MSL2: variants seen among roughly 807,000 people sequenced by gnomAD.
MSL2 encodes the protein E3 ubiquitin-protein ligase MSL2.
Under a neutral mutation model 35.8 loss-of-function variants are expected in MSL2, and 2 were observed. The ratio of observed to expected loss-of-function variants is 0.06; its 90% confidence interval spans 0.02 to 0.18. MSL2 has a LOEUF of 0.18. Among genes scored for constraint, MSL2 ranks in the 10% least tolerant of loss-of-function variants. The probability of loss-of-function intolerance (pLI) is 1.00; values close to 1 mark genes in which losing one functional copy is unlikely to be tolerated. For synonymous variants in MSL2, 296 were observed against 255.7 expected, an observed-to-expected ratio of 1.16 and a Z score of -1.50; for missense variants, 523 against 706.7, an observed-to-expected ratio of 0.74 and a Z score of 2.95.
At chr3:136,154,745 C>A (rs1939471519) in intron 1 of MSL2, among the ~76,000 whole-genome samples, 1 of 152,128 alleles carries the variant, frequency 6.6e-6, no homozygotes, top group African/African-American at 2.4e-5. Context: ...ATCTATAGCT[C>A]TGAAAGTCTG....
At chr3:136,188,355 A>C (rs1015311818) in intron 1 of MSL2, among the ~76,000 whole-genome samples, 3 of 151,046 alleles carry the variant, frequency 2.0e-5, no homozygotes, top group African/African-American at 7.3e-5. Flanking sequence ...AATCGCTTGA[A>C]CCCATGAAGC....
intron 1 of MSL2, among the ~76,000 whole-genome samples, chr3:136,157,215 C>G (rs1939556805): frequency 7.0e-6 from 1 of 142,862 alleles, no homozygotes; most frequent in African/African-American, 2.8e-5. Flanking sequence ...CACCTGAGGT[C>G]AGGAAGGCGG....
intron 1 of MSL2, chr3:136,194,258 A>C (rs1183991332): frequency 2.8e-5 from 6 of 211,566 alleles, no homozygotes; most frequent in Non-Finnish European, 4.1e-5. Flanking sequence ...AATTTAGCAT[A>C]TCTCTTCTAT....
intron 1 of MSL2, among the ~76,000 whole-genome samples, chr3:136,172,178 T>A (rs1940044936): frequency 6.6e-6 from 1 of 152,238 alleles, no homozygotes; most frequent in Admixed American, 6.5e-5. Context: ...TTTCTACTTA[T>A]GTCAATTTTT....
At chr3:136,159,913 AAT>A (rs1939652675) in intron 1 of MSL2, among the ~76,000 whole-genome samples, 1 of 152,146 alleles carries the variant, frequency 6.6e-6, no homozygotes, top group African/African-American at 2.4e-5. Context: ...AGGAAAAAAA[AAT>A]AGTTAAATGG....
At chr3:136,183,226 G>C (rs892655011) in intron 1 of MSL2, among the ~76,000 whole-genome samples, 7 of 152,034 alleles carry the variant, frequency 4.6e-5, no homozygotes, top group African/African-American at 1.2e-4. Context: ...CCCAGAAAAT[G>C]AAAGATGATA....
rs151296414 is a variant in MSL2 at position 136,169,807 on chromosome 3, A to C, written c.143-17069T>G. On this transcript the variant is annotated intron_variant, in intron 1 of 1. Transcript: ENST00000309993. Reference sequence around the variant, plus strand: ...ATGGTTAACTGGCCAGGCACGCTCCAGCACTTTGGGAGGCCAAGGTGGATT... The same window carrying C: ...ATGGTTAACTGGCCAGGCACGCTCCCGCACTTTGGGAGGCCAAGGTGGATT... 3.1e-3 allele frequency among the ~76,000 whole-genome samples: 464 copies of C among 151,872 alleles called. 3 individuals carry two copies. Among genetic ancestry groups the C allele is most frequent in the African/African-American group, 0.011 (442 of 41,430 alleles).
rs1939325584 is a variant in MSL2 at position 136,150,495 on chromosome 3, A to G, written c.*652T>C. ...GAGGGATTTAGAATTTCTTCCCTAG[A>G]AATGAGTAACAGCTAAACATTTGTA... On this transcript the variant is annotated 3_prime_UTR_variant, in exon 2 of 2. Coordinates refer to ENST00000309993, the MANE Select transcript of MSL2 (RefSeq NM_018133.4). 6.5e-6 allele frequency: 1 copy of G among 152,694 alleles called. No individual in the cohort carries two copies. Among genetic ancestry groups the G allele is most frequent in the Non-Finnish European group, 1.5e-5 (1 of 68,070 alleles). The allele number at this position is 152,694 out of a possible 1,614,324, so 9.5% of individuals were successfully genotyped here.
At chr3:136,190,019 T>C (rs1284444207) in intron 1 of MSL2, among the ~76,000 whole-genome samples, 1 of 152,072 alleles carries the variant, frequency 6.6e-6, no homozygotes, top group African/African-American at 2.4e-5. Context: ...AGACAAAGGT[T>C]GCAGTAAGCC....
chr3:136,155,035 CCATCTCTACTA>C (rs1939479448), intron 1 of MSL2, among the ~76,000 whole-genome samples: 1 of 152,074 alleles, frequency 6.6e-6, no homozygotes, highest in Non-Finnish European at 1.5e-5. Flanking sequence ...TGGTGAAACT[CCATCTCTACTA>C]AAAATACAAA....
chr3:136,178,827 T>C (rs1940256485), intron 1 of MSL2, among the ~76,000 whole-genome samples: 1 of 151,872 alleles, frequency 6.6e-6, no homozygotes, highest in Admixed American at 6.6e-5. Context: ...CATGAGTCGC[T>C]GCGCCCCGCC....
intron 1 of MSL2, among the ~76,000 whole-genome samples, chr3:136,186,965 A>C (rs1436307705): frequency 6.6e-6 from 1 of 152,200 alleles, no homozygotes; most frequent in African/African-American, 2.4e-5. Flanking sequence ...TAGTTGTTAT[A>C]CTGTAATGCT....
At chr3:136,153,515 C>T (rs1392546573) in intron 1 of MSL2, among the ~76,000 whole-genome samples, 1 of 152,210 alleles carries the variant, frequency 6.6e-6, no homozygotes, top group Non-Finnish European at 1.5e-5. Context: ...AGGCCGGACA[C>T]AGTGGCTCAT....
rs1032554518 is a variant in MSL2, at chr3:136,195,966, T to A, written c.-853A>T. ...CCAGACTCAAGCGCCGCCCCCTCAC[T>A]GCCCGGCCATTTTTTCGGCGCCACA... On this transcript the variant is annotated 5_prime_UTR_variant, in exon 1 of 2. Transcript: ENST00000309993. 1.4e-4 allele frequency: 43 copies of A among 298,406 alleles called. No homozygotes were observed. Among genetic ancestry groups the A allele is most frequent in the African/African-American group, 3.9e-4 (17 of 43,390 alleles). 18.5% of individuals were successfully genotyped at this position (298,406 alleles called of 1,614,324 possible).
chr3:136,163,058 G>C (rs751977926), intron 1 of MSL2, among the ~76,000 whole-genome samples: 8 of 151,148 alleles, frequency 5.3e-5, no homozygotes, highest in Non-Finnish European at 7.4e-5. Flanking sequence ...TGGAGTTCAA[G>C]ACTAGCCTGG....
rs1576354657 is a variant in MSL2, at chr3:136,154,740, T to C, written c.143-2002A>G. Among the ~76,000 whole-genome samples the C allele has an allele frequency of 2.6e-5, 4 of 152,182 alleles. 1 individual carries two copies. In the South Asian group the frequency reaches 8.3e-4, roughly 32 times the overall value. On this transcript the variant is annotated intron_variant, in intron 1 of 1. Transcript: ENST00000309993. The stretch of plus-strand genomic sequence containing the variant: ...AAAGCAGTGTTTAGTGGGAAATCTA[T>C]AGCTCTGAAAGTCTGTATCAGAAAA...
chr3:136,179,943 G>A (rs1027964453), intron 1 of MSL2, among the ~76,000 whole-genome samples: 2 of 152,094 alleles, frequency 1.3e-5, no homozygotes, highest in Non-Finnish European at 2.9e-5. Flanking sequence ...GCGGGGGCCT[G>A]TAGTCCCAGC....
chr3:136,169,231 CGGGGGGGGGGG>C (rs869059543), intron 1 of MSL2, among the ~76,000 whole-genome samples: 146 of 11,122 alleles, frequency 0.013, 10 homozygotes, highest in African/African-American at 0.036. Context: ...GTTGTTTTGG[CGGGGGGGGGGG>C]GGGGGGGGGG....
intron 1 of MSL2, among the ~76,000 whole-genome samples, chr3:136,156,196 T>C (rs941632281): frequency 6.6e-6 from 1 of 152,188 alleles, no homozygotes; most frequent in African/African-American, 2.4e-5. Context: ...TTATTAAAGA[T>C]TAATCCTAAT....
Sources: gnomAD v4.1 joint callset for allele counts (sites outside exome capture counted in the v4.1 genomes callset) on GRCh38, gnomAD v4.1.1 for gene constraint, MANE v1.5 for transcripts, NCBI Gene and HGNC (gene_info 2026-07-23, HGNC 2026-07-21) for gene names.